The following PAK5 variants were observed in gnomAD, a reference collection of about 807,000 sequenced individuals.
The protein encoded by PAK5 is p21 (RAC1) activated kinase 5, also known as serine/threonine-protein kinase PAK 5.
PAK5 carries 16 observed loss-of-function variants against 65.9 expected under a neutral mutation model. That is an observed-to-expected ratio of 0.24 (90% confidence interval 0.16 to 0.37). PAK5 has a LOEUF of 0.37. Among genes scored for constraint, PAK5 ranks in the 10% least tolerant of loss-of-function variants. The pLI is 1.00. For missense variants in PAK5, 785 were observed against 903.9 expected (o/e 0.87, Z 1.69); for synonymous variants, 371 against 354.9 (o/e 1.05, Z -0.51).
At position 9,692,966 on chromosome 20, in the gene PAK5, T is replaced by C. The variant is rs145644791; in HGVS notation, c.-12+18320A>G. ...TATATTATGAGTTTACTAAAAGAAT[T>C]AAATAAAATAAAGTATATAAAGTGA... On this transcript the variant is annotated intron_variant, in intron 2 of 9. Coordinates refer to ENST00000353224, the MANE Select transcript of PAK5 (RefSeq NM_177990.4). Among the ~76,000 whole-genome samples the C allele has an allele frequency of 2.1e-3, 321 of 152,212 alleles. 5 individuals are homozygous for C. The Middle Eastern group carries it at 0.024, about 11-fold the overall frequency.
intron 1 of PAK5, among the ~76,000 whole-genome samples, chr20:9,795,679 T>TA (rs1390201784): frequency 6.6e-6 from 1 of 152,138 alleles, no homozygotes; most frequent in Non-Finnish European, 1.5e-5. Flanking sequence ...GAGGATGTTA[T>TA]AAAAGGAATA....
At chr20:9,635,836 C>A (rs56221234) in intron 3 of PAK5, among the ~76,000 whole-genome samples, 1 of 151,986 alleles carries the variant, frequency 6.6e-6, no homozygotes, top group Admixed American at 6.6e-5. Flanking sequence ...AATGGGGAAC[C>A]TAATCTGTGA....
chr20:9,797,924 A>C (rs1158589691), intron 1 of PAK5, among the ~76,000 whole-genome samples: 1 of 152,090 alleles, frequency 6.6e-6, no homozygotes, highest in Non-Finnish European at 1.5e-5. Flanking sequence ...CCAGAGAGAG[A>C]TGAATAAGAC....
At chr20:9,586,176 T>C (rs2046065799) in intron 3 of PAK5, among the ~76,000 whole-genome samples, 1 of 152,198 alleles carries the variant, frequency 6.6e-6, no homozygotes, top group African/African-American at 2.4e-5. Flanking sequence ...TTAGTTCATC[T>C]TCACAAATTA....
intron 3 of PAK5, among the ~76,000 whole-genome samples, chr20:9,630,569 AC>A (rs2046908323): frequency 6.6e-6 from 1 of 152,244 alleles, no homozygotes; most frequent in Non-Finnish European, 1.5e-5. Flanking sequence ...AATACTGGCC[AC>A]TTGGCCTGAA....
At chr20:9,727,453 G>A (rs2048289161) in intron 1 of PAK5, among the ~76,000 whole-genome samples, 1 of 152,100 alleles carries the variant, frequency 6.6e-6, no homozygotes, top group Non-Finnish European at 1.5e-5. Flanking sequence ...TCTTGAGGGT[G>A]ACATTTAAGA....
intron 3 of PAK5, among the ~76,000 whole-genome samples, chr20:9,626,687 A>C (rs2046848423): frequency 2.6e-5 from 4 of 152,210 alleles, no homozygotes; most frequent in Admixed American, 1.3e-4. Context: ...AAATATAAGT[A>C]TTTTGCAAAT....
At chr20:9,625,241 T>C (rs958624276) in intron 3 of PAK5, among the ~76,000 whole-genome samples, 1 of 152,184 alleles carries the variant, frequency 6.6e-6, no homozygotes, top group Non-Finnish European at 1.5e-5. Flanking sequence ...CTCCTTATAT[T>C]TGATAACTCC....
intron 3 of PAK5, among the ~76,000 whole-genome samples, chr20:9,615,698 C>T (rs6133732): frequency 0.13 from 20,183 of 152,180 alleles, 1,485 homozygotes; most frequent in East Asian, 0.25. Context: ...TTTGCATAAT[C>T]GTGTGGGTCA....
chr20:9,696,380 T>C (rs1458387574), intron 2 of PAK5, among the ~76,000 whole-genome samples: 1 of 152,100 alleles, frequency 6.6e-6, no homozygotes, highest in Non-Finnish European at 1.5e-5. Flanking sequence ...GTTTTCAAAC[T>C]AGGAATAACA....
intron 3 of PAK5, among the ~76,000 whole-genome samples, chr20:9,614,242 G>A (rs1249274806): frequency 6.6e-6 from 1 of 152,188 alleles, no homozygotes; most frequent in Non-Finnish European, 1.5e-5. Flanking sequence ...GCTGGGCACA[G>A]CTGAGAAAGA....
chr20:9,611,337 C>T (rs575292230), intron 3 of PAK5, among the ~76,000 whole-genome samples: 4 of 152,298 alleles, frequency 2.6e-5, no homozygotes, highest in Admixed American at 6.5e-5. Flanking sequence ...GTGAAGGTGT[C>T]CCTGCCCCCA....
chr20:9,612,639 C>G (rs1256371379), intron 3 of PAK5, among the ~76,000 whole-genome samples: 4 of 152,104 alleles, frequency 2.6e-5, no homozygotes, highest in Non-Finnish European at 4.4e-5. Context: ...CTCCACCCCC[C>G]CGATCCAATC....
chr20:9,631,497 C>T (rs1404480356), intron 3 of PAK5, among the ~76,000 whole-genome samples: 1 of 152,116 alleles, frequency 6.6e-6, no homozygotes, highest in African/African-American at 2.4e-5. Context: ...AGAATTCTGC[C>T]CACAGAATTC....
intron 1 of PAK5, among the ~76,000 whole-genome samples, chr20:9,825,168 A>G (rs2049469325): frequency 6.6e-6 from 1 of 152,166 alleles, no homozygotes; most frequent in Non-Finnish European, 1.5e-5. Context: ...AGAAAAGAAA[A>G]TTCTTTTCAG....
chr20:9,730,776 G>T (rs553832134), intron 1 of PAK5, among the ~76,000 whole-genome samples: 6 of 152,330 alleles, frequency 3.9e-5, no homozygotes, highest in Non-Finnish European at 5.9e-5. Flanking sequence ...AGCTCTGATT[G>T]CTGATTTCAA....
At chr20:9,648,989 C>A (rs1315592426) in intron 2 of PAK5, among the ~76,000 whole-genome samples, 1 of 152,128 alleles carries the variant, frequency 6.6e-6, no homozygotes, top group African/African-American at 2.4e-5. Context: ...CCATGTAAAC[C>A]AAGGGCACAG....
intron 1 of PAK5, among the ~76,000 whole-genome samples, chr20:9,757,298 A>T (rs55695967): frequency 0.012 from 1,882 of 152,274 alleles, 42 homozygotes; most frequent in African/African-American, 0.043. Flanking sequence ...GTCCTCATAA[A>T]CCTAACAACT....
chr20:9,643,355 C>A (rs1798640129), intron 3 of PAK5, among the ~76,000 whole-genome samples: 1 of 152,138 alleles, frequency 6.6e-6, no homozygotes, highest in Non-Finnish European at 1.5e-5. Context: ...AAACTGCAAT[C>A]CCTGGATTTT....
Sources: allele counts gnomAD v4.1 joint callset (sites outside exome capture counted in the v4.1 genomes callset), GRCh38; gene constraint gnomAD v4.1.1; transcripts MANE v1.5; gene names NCBI Gene and HGNC (gene_info 2026-07-23, HGNC 2026-07-21).